TIAM1: variants seen among roughly 807,000 people sequenced by gnomAD.
TIAM1 encodes the protein TIAM Rac1 associated GEF 1.
In TIAM1, 65 loss-of-function variants were observed where a neutral mutation model predicts 163.5. That is an observed-to-expected ratio of 0.40 (90% confidence interval 0.33 to 0.49). The LOEUF (loss-of-function observed/expected upper bound fraction) is 0.49. TIAM1 is among the 20% of genes least tolerant of loss of function. TIAM1 has a pLI of 0.77. For missense variants in TIAM1, 1,789 were observed against 2,044.7 expected, an observed-to-expected ratio of 0.87 and a Z score of 2.41; for synonymous variants, 833 against 810.1, an observed-to-expected ratio of 1.03 and a Z score of -0.48.
rs2086716047 is a variant in TIAM1 at position 31,210,625 on chromosome 21, GAAA to G, written c.2218-413_2218-411del. ...AAGAAGGAAGGAAGGGAGAAAGAAAGAAAGAAAGAAAGAAAGAAAGAAAGAAAG... is the reference window on the plus strand; with the variant it reads ...AAGAAGGAAGGAAGGGAGAAAGAAAGGAAAGAAAGAAAGAAAGAAAGAAAG... On this transcript the variant is annotated intron_variant, in intron 10 of 27. Transcript: ENST00000541036. Among the ~76,000 whole-genome samples the G allele has an allele frequency of 2.8e-4, 5 of 18,150 alleles. No homozygotes were observed. The East Asian group carries it at 6.7e-3, about 24-fold the overall frequency. The allele number at this position is 18,150 out of a possible 152,430, so 11.9% of individuals were successfully genotyped here.
rs990110730 is a variant in TIAM1 at position 31,282,441 on chromosome 21, T to C, written c.-188-5533A>G. ...CTTCCAGGAAATTCTTCTTGAGCACTGCCTGCCCTCCACGGAGTGCAGAAG... is the reference window on the plus strand; with the variant it reads ...CTTCCAGGAAATTCTTCTTGAGCACCGCCTGCCCTCCACGGAGTGCAGAAG... On this transcript the variant is annotated intron_variant, in intron 2 of 27. Transcript: ENST00000541036. Among the ~76,000 whole-genome samples the C allele has an allele frequency of 6.6e-5, 10 of 152,248 alleles. No individual in the cohort carries two copies. The East Asian group carries it at 1.9e-3, about 29-fold the overall frequency.
chr21:31,451,860 G>GT (rs1160914347), intron 2 of TIAM1, among the ~76,000 whole-genome samples: 1 of 152,060 alleles, frequency 6.6e-6, no homozygotes. Flanking sequence ...GTCCAGGAAA[G>GT]TTTGAGAGTA....
At chr21:31,524,187 T>A (rs985978180) in intron 1 of TIAM1, among the ~76,000 whole-genome samples, 1 of 152,110 alleles carries the variant, frequency 6.6e-6, no homozygotes, top group Non-Finnish European at 1.5e-5. Flanking sequence ...GAAAAGAGGT[T>A]TAATTGGCTC....
chr21:31,494,555 T>TA, intron 1 of TIAM1, among the ~76,000 whole-genome samples: 1 of 152,190 alleles, frequency 6.6e-6, no homozygotes, highest in South Asian at 2.1e-4. Flanking sequence ...AGAAGACTGC[T>TA]AAAAATCAGC....
chr21:31,210,728 A>G lies in TIAM1; in HGVS notation c.2218-513T>C, dbSNP rs1601563963. ...AAGAGAAAGAAAGAGAAAGAAAGAA[A>G]GAGAAAGAAGGAAGGAAGGGAGAAA... On this transcript the variant is annotated intron_variant, in intron 10 of 27. Coordinates refer to ENST00000541036, the MANE Select transcript of TIAM1 (RefSeq NM_001353694.2). Among the ~76,000 whole-genome samples, 4 of 111,748 alleles carry G rather than the reference A, an allele frequency of 3.6e-5. No individual in the cohort carries two copies. In the East Asian group the frequency reaches 9.2e-4, roughly 26 times the overall value. The allele number at this position is 111,748 out of a possible 152,430, so 73.3% of individuals were successfully genotyped here. A position where few individuals can be genotyped will look rare whatever the true frequency, so the allele number is the denominator to read the frequency against.
intron 4 of TIAM1, among the ~76,000 whole-genome samples, chr21:31,257,718 G>A (rs2284491): frequency 0.021 from 3,247 of 152,138 alleles, 106 homozygotes; most frequent in African/African-American, 0.07. Flanking sequence ...GGTGTCCCGC[G>A]TTAAAACTTG....
intron 1 of TIAM1, among the ~76,000 whole-genome samples, chr21:31,542,497 T>C (rs2048354551): frequency 6.6e-6 from 1 of 152,060 alleles, no homozygotes; most frequent in African/African-American, 2.4e-5. Flanking sequence ...CAAAATGTTT[T>C]CTCCTTGAGG....
At chr21:31,423,977 C>T (rs551785985) in intron 2 of TIAM1, among the ~76,000 whole-genome samples, 2 of 151,754 alleles carry the variant, frequency 1.3e-5, no homozygotes, top group Admixed American at 1.3e-4. Flanking sequence ...TACTAAAAAA[C>T]CACTGAATTA....
In TIAM1 at chr21:31,124,603, G is replaced by A; in HGVS notation, c.4225C>T (p.Pro1409Ser). ...AAAGGGACATATTGCTGGGATGAGG[G>A]AAGGCTCTCGGTTTTGAGGAGCTGT... ...RRQLLKTESLPSSQQYVPFGG... is the reference protein window; with the variant it reads ...RRQLLKTESLSSSQQYVPFGG... Residue 1409 changes from proline to serine, a missense_variant, in exon 27 of 28, where the codon CCC becomes TCC. Physicochemically the swap from Pro to Ser is moderately conservative, Grantham distance 74. This residue lies in a region of TIAM1 where 415 missense variants were observed against 439.2 expected (regional missense o/e 0.94). Coordinates refer to ENST00000541036, the MANE Select transcript of TIAM1 (RefSeq NM_001353694.2). 6.2e-7 allele frequency: 1 copy of A among 1,613,970 alleles called. No individual in the cohort carries two copies. The highest frequency in any genetic ancestry group is 8.5e-7 in the Non-Finnish European group (1 of 1,179,914).
chr21:31,373,452 T>C (rs1372894355), intron 2 of TIAM1, among the ~76,000 whole-genome samples: 2 of 152,156 alleles, frequency 1.3e-5, no homozygotes, highest in African/African-American at 4.8e-5. Context: ...TTCGTGGTGG[T>C]GGCAAGAGAA....
chr21:31,197,235 A>G (rs1281576494), intron 12 of TIAM1, among the ~76,000 whole-genome samples: 1 of 152,232 alleles, frequency 6.6e-6, no homozygotes, highest in African/African-American at 2.4e-5. Context: ...CCTTGAATCT[A>G]AAATAAGAGT....
At chr21:31,545,490 T>C (rs1479766698) in intron 1 of TIAM1, among the ~76,000 whole-genome samples, 1 of 152,170 alleles carries the variant, frequency 6.6e-6, no homozygotes, top group Non-Finnish European at 1.5e-5. Context: ...CTTTGGGACA[T>C]TCAGAGAAGA....
At chr21:31,442,070 A>AATATATATATATATATATATATAT (rs138822110) in intron 2 of TIAM1, among the ~76,000 whole-genome samples, 1,155 of 52,938 alleles carry the variant, frequency 0.022, 134 homozygotes, top group East Asian at 0.031. Flanking sequence ...CAAATAAATA[A>AATATATATATATATATATATATAT]ATATATATAT....
At chr21:31,538,196 A>G (rs2048201351) in intron 1 of TIAM1, among the ~76,000 whole-genome samples, 1 of 152,204 alleles carries the variant, frequency 6.6e-6, no homozygotes, top group Non-Finnish European at 1.5e-5. Context: ...CAAATACAAT[A>G]ACGTACACTT....
At chr21:31,261,762 A>C (rs1453080335) in intron 4 of TIAM1, among the ~76,000 whole-genome samples, 1 of 152,018 alleles carries the variant, frequency 6.6e-6, no homozygotes, top group Non-Finnish European at 1.5e-5. Context: ...CTCATCTCCT[A>C]ATCTCTTTAT....
At chr21:31,452,709 A>G (rs2044913269) in intron 2 of TIAM1, 1 of 450,310 alleles carries the variant, frequency 2.2e-6, no homozygotes, top group South Asian at 1.8e-5. Context: ...AAGACTCAAA[A>G]GTAATAAAAG....
At chr21:31,470,499 A>T (rs188515624) in intron 1 of TIAM1, among the ~76,000 whole-genome samples, 1 of 151,314 alleles carries the variant, frequency 6.6e-6, no homozygotes, top group Non-Finnish European at 1.5e-5. Flanking sequence ...AGGCCTGGCT[A>T]ATTTTGTATT....
intron 2 of TIAM1, among the ~76,000 whole-genome samples, chr21:31,373,209 G>A (rs2076628455): frequency 1.3e-5 from 2 of 152,198 alleles, no homozygotes; most frequent in East Asian, 1.9e-4. Flanking sequence ...AGGATCATTT[G>A]AGCCCGAGAG....
At chr21:31,195,405 C>A (rs145352928) in intron 12 of TIAM1, 100 bp from the exon 13 acceptor site, 2 of 817,458 alleles carry the variant, frequency 2.4e-6, no homozygotes. Context: ...TTGATACTTA[C>A]GTGAATTTGC....
Sources: gnomAD v4.1 joint callset for allele counts (sites outside exome capture counted in the v4.1 genomes callset) on GRCh38, gnomAD v4.1.1 for gene constraint, gnomAD v4.1.1 regional missense constraint, MANE v1.5 for transcripts, NCBI Gene and HGNC (gene_info 2026-07-23, HGNC 2026-07-21) for gene names.